The following RAP1GAP2 variants were observed in gnomAD, a reference collection of about 807,000 sequenced individuals.
RAP1GAP2 encodes the protein rap1 GTPase-activating protein 2.
Under a neutral mutation model 95.0 loss-of-function variants are expected in RAP1GAP2, and 27 were observed. The ratio of observed to expected loss-of-function variants is 0.28; its 90% CI spans 0.21 to 0.39. The LOEUF (loss-of-function observed/expected upper bound fraction) is 0.39. Ranked by LOEUF, RAP1GAP2 falls within the 10% of genes least tolerant of loss-of-function variation. The pLI is 1.00. For missense variants in RAP1GAP2, 771 were observed against 970.0 expected, an observed-to-expected ratio of 0.79 and a Z score of 2.72; for synonymous variants, 373 against 380.9, an observed-to-expected ratio of 0.98 and a Z score of 0.24.
chr17:2,999,408 A>AAG (rs1385591835), intron 14 of RAP1GAP2, among the ~76,000 whole-genome samples: 1 of 152,216 alleles, frequency 6.6e-6, no homozygotes, highest in Non-Finnish European at 1.5e-5. Context: ...GATTCCTGAA[A>AAG]AGAGAGGCCA....
chr17:2,767,931 A>G (rs754974699), intron 1 of RAP1GAP2, among the ~76,000 whole-genome samples: 1 of 152,038 alleles, frequency 6.6e-6, no homozygotes, highest in Non-Finnish European at 1.5e-5. Context: ...ACGAGGTTTC[A>G]CCGTATTAGC....
chr17:2,995,998 A>C lies in RAP1GAP2; in HGVS notation c.1044+532A>C, dbSNP rs4790406. ...GGTAGAGGGTGATTGTGGGGATTAC[A>C]TACATTTCTGACTAGGGTTCATACG... On this transcript the variant is annotated intron_variant, in intron 13 of 24. Transcript: ENST00000254695. 0.014 allele frequency among the ~76,000 whole-genome samples: 2,122 copies of C among 152,166 alleles called. 175 individuals are homozygous for C. The East Asian group carries it at 0.23, about 16-fold the overall frequency.
chr17:3,036,058 C>G lies in RAP1GAP2; in HGVS notation c.*2697C>G, dbSNP rs371231035. On this transcript the variant is annotated 3_prime_UTR_variant, in exon 25 of 25. Transcript: ENST00000254695. ...ACTTTTCAGGCACTGTAGGGTCACC[C>G]ATATGCCTCCAGCTCAGTTGACGCT... is the stretch of plus-strand genomic sequence containing the variant. 3.3e-5 allele frequency: 5 copies of G among 152,364 alleles called. No homozygotes were observed. In the East Asian group the frequency reaches 9.6e-4, roughly 29 times the overall value. 9.4% of individuals were successfully genotyped at this position (152,364 alleles called of 1,614,324 possible). A position where few individuals can be genotyped will look rare whatever the true frequency, so the allele number is the denominator to read the frequency against.
intron 2 of RAP1GAP2, among the ~76,000 whole-genome samples, chr17:2,860,685 C>A (rs899650300): frequency 5.4e-5 from 8 of 147,590 alleles, no homozygotes; most frequent in African/African-American, 2.0e-4. Context: ...CTCACTGCAG[C>A]CTCCGCCTCC....
chr17:2,768,022 G>A (rs941905452), intron 1 of RAP1GAP2, among the ~76,000 whole-genome samples: 3 of 152,058 alleles, frequency 2.0e-5, no homozygotes, highest in East Asian at 3.9e-4. Context: ...GTGAGCCACC[G>A]TACGTGGCCA....
At chr17:2,966,286 G>A (rs1189534280) in intron 8 of RAP1GAP2, among the ~76,000 whole-genome samples, 2 of 152,330 alleles carry the variant, frequency 1.3e-5, no homozygotes, top group East Asian at 3.9e-4. Context: ...CTTGGTCCCT[G>A]TTCTCTGAAA....
chr17:2,950,421 T>G (rs1303421505), intron 3 of RAP1GAP2, among the ~76,000 whole-genome samples: 1 of 151,956 alleles, frequency 6.6e-6, no homozygotes, highest in Non-Finnish European at 1.5e-5. Context: ...AAAAAGTATC[T>G]TGAAGCTGCT....
At chr17:2,798,310 C>T (rs1262650055) in intron 1 of RAP1GAP2, among the ~76,000 whole-genome samples, 1 of 152,172 alleles carries the variant, frequency 6.6e-6, no homozygotes, top group Non-Finnish European at 1.5e-5. Context: ...TGCCCCGTCG[C>T]GTTCACCTGG....
chr17:2,909,938 G>T (rs928783860), intron 3 of RAP1GAP2, among the ~76,000 whole-genome samples: 1 of 152,184 alleles, frequency 6.6e-6, no homozygotes, highest in African/African-American at 2.4e-5. Flanking sequence ...TTCATTCTGT[G>T]GCTTAGCCTG....
intron 3 of RAP1GAP2, among the ~76,000 whole-genome samples, chr17:2,943,734 C>T (rs1007974454): frequency 6.6e-6 from 1 of 152,080 alleles, no homozygotes; most frequent in Non-Finnish European, 1.5e-5. Context: ...TGAATAGACA[C>T]TTCTCCAAAG....
At chr17:2,820,158 C>G (rs2070219377) in intron 2 of RAP1GAP2, among the ~76,000 whole-genome samples, 1 of 152,122 alleles carries the variant, frequency 6.6e-6, no homozygotes, top group African/African-American at 2.4e-5. Flanking sequence ...CATTGATCCC[C>G]TCTTGCTGGA....
At chr17:2,937,746 C>T (rs2043347822) in intron 3 of RAP1GAP2, among the ~76,000 whole-genome samples, 1 of 152,152 alleles carries the variant, frequency 6.6e-6, no homozygotes, top group African/African-American at 2.4e-5. Flanking sequence ...GTCCCTCTAG[C>T]ACATGGAGCT....
In RAP1GAP2 at chr17:3,003,255, A is replaced by G. The variant is rs764941157; in HGVS notation, c.1201-2114A>G. Among the ~76,000 whole-genome samples, 5 of 152,258 alleles carry G rather than the reference A, an allele frequency of 3.3e-5. No homozygotes were observed. Among genetic ancestry groups the G allele is most frequent in the Non-Finnish European group, 5.9e-5 (4 of 68,014 alleles). On this transcript the variant is annotated intron_variant, in intron 14 of 24. Transcript: ENST00000254695. The surrounding 1 kb of genome is among the most constrained non-coding windows in gnomAD (Gnocchi z 4.1). ...AGCAGGCGAGAAATTGGCTCCACGGAGTCGGGTGTGCACGAAGCATCACTC... is the reference window on the plus strand; with the variant it reads ...AGCAGGCGAGAAATTGGCTCCACGGGGTCGGGTGTGCACGAAGCATCACTC...
chr17:2,919,851 G>A (rs954011154), intron 3 of RAP1GAP2, among the ~76,000 whole-genome samples: 2 of 151,526 alleles, frequency 1.3e-5, no homozygotes. Flanking sequence ...TACAGGCACC[G>A]CCCCATACCT....
At chr17:2,897,444 T>C (rs899084329) in intron 2 of RAP1GAP2, among the ~76,000 whole-genome samples, 1 of 151,894 alleles carries the variant, frequency 6.6e-6, no homozygotes, top group Admixed American at 6.6e-5. Flanking sequence ...GGAATCTCGC[T>C]CTGTTGCCCA....
At chr17:2,791,857 CTTT>C (rs530185952), upstream of RAP1GAP2, among the ~76,000 whole-genome samples, 5 of 136,022 alleles carry the variant, frequency 3.7e-5, no homozygotes, top group Admixed American at 7.5e-5. Flanking sequence ...CCTTTTCTCT[CTTT>C]TTTTTTTTTT....
In RAP1GAP2 at chr17:2,991,147, C is replaced by T. The variant is rs116930874; in HGVS notation, c.814-150C>T. The T allele has an allele frequency of 0.022, 14,421 of 663,790 alleles. 1,055 individuals carry two copies. In the East Asian group the frequency reaches 0.22, roughly 10 times the overall value. The allele number at this position is 663,790 out of a possible 1,614,324, so 41.1% of individuals were successfully genotyped here. ...TCTCCATCAGTCCCTCCTCTCTCCACCCCAGTCCCACTGAGGGCAGCTATG... is the reference window on the plus strand; with the variant it reads ...TCTCCATCAGTCCCTCCTCTCTCCATCCCAGTCCCACTGAGGGCAGCTATG... On this transcript the variant is annotated intron_variant, in intron 11 of 24. Transcript: ENST00000254695.
At chr17:2,988,671 A>G (rs1347610534) in intron 11 of RAP1GAP2, among the ~76,000 whole-genome samples, 1 of 152,246 alleles carries the variant, frequency 6.6e-6, no homozygotes, top group Non-Finnish European at 1.5e-5. Context: ...GAACATCTGT[A>G]TATAGGTTTT....
chr17:2,889,891 T>TATATATATATA (rs1490272485), intron 2 of RAP1GAP2, among the ~76,000 whole-genome samples: 10 of 46,682 alleles, frequency 2.1e-4, no homozygotes, highest in Non-Finnish European at 3.2e-4. Flanking sequence ...ATATATATAT[T>TATATATATATA]TTTTTTTTTT....
Sources: gnomAD v4.1 joint callset for allele counts (sites outside exome capture counted in the v4.1 genomes callset) on GRCh38, gnomAD v4.1.1 for gene constraint, Gnocchi (gnomAD v3.1) non-coding constraint, MANE v1.5 for transcripts, NCBI Gene and HGNC (gene_info 2026-07-23, HGNC 2026-07-21) for gene names.